Variants in LCOR observed in about 807,000 individuals in gnomAD.
LCOR encodes the protein ligand dependent nuclear receptor corepressor, also known as ligand-dependent corepressor.
In LCOR, 14 loss-of-function variants were observed where a neutral mutation model predicts 64.4. The observed-to-expected ratio is 0.22, with a 90% confidence interval of 0.14 to 0.34. The LOEUF is 0.34. Among genes scored for constraint, LCOR ranks in the 10% least tolerant of loss-of-function variants. The pLI, the probability that LCOR is intolerant of heterozygous loss-of-function variation, is 1.00. For synonymous variants in LCOR, 643 were observed against 642.5 expected (o/e 1.00, Z -0.01); for missense variants, 1,686 against 1,765.3 (o/e 0.96, Z 0.80).
chr10:96,834,436 T>G (rs1439036535), intron 2 of LCOR, among the ~76,000 whole-genome samples: 9 of 152,182 alleles, frequency 5.9e-5, no homozygotes, highest in Non-Finnish European at 1.3e-4. Context: ...CTATCTCTGC[T>G]TGTTTTATTC....
At chr10:96,912,521 G>A (rs1194409013) in intron 4 of LCOR, among the ~76,000 whole-genome samples, 1 of 152,172 alleles carries the variant, frequency 6.6e-6, no homozygotes, top group African/African-American at 2.4e-5. Flanking sequence ...CGTGCATCAT[G>A]TCAGAAAGCA....
chr10:96,838,924 A>G (rs1170447869), intron 2 of LCOR, among the ~76,000 whole-genome samples: 1 of 152,184 alleles, frequency 6.6e-6, no homozygotes, highest in Non-Finnish European at 1.5e-5. Flanking sequence ...TGGCTACGGT[A>G]TTTTACATTC....
intron 4 of LCOR, among the ~76,000 whole-genome samples, chr10:96,933,949 G>C (rs551279653): frequency 6.6e-6 from 1 of 152,276 alleles, no homozygotes; most frequent in East Asian, 1.9e-4. Context: ...CAGCTGTCTA[G>C]TTTCTTGAAG....
chr10:96,978,371 T>C (rs1201415219), intron 7 of LCOR, among the ~76,000 whole-genome samples: 1 of 152,244 alleles, frequency 6.6e-6, no homozygotes, highest in Non-Finnish European at 1.5e-5. Context: ...TTTAAAACTT[T>C]TACTAAGTCC....
intron 2 of LCOR, among the ~76,000 whole-genome samples, chr10:96,869,245 C>A (rs372232937): frequency 2.6e-4 from 39 of 152,006 alleles, no homozygotes; most frequent in African/African-American, 9.4e-4. Flanking sequence ...CAGAGTTGTG[C>A]TCTGTCACTC....
chr10:96,864,289 T>C (rs1845934606), intron 2 of LCOR, among the ~76,000 whole-genome samples: 1 of 152,208 alleles, frequency 6.6e-6, no homozygotes, highest in African/African-American at 2.4e-5. Context: ...ACTCAAGTAA[T>C]GACTCATAGA....
intron 7 of LCOR, among the ~76,000 whole-genome samples, chr10:96,975,592 C>G (rs535346907): frequency 6.6e-6 from 1 of 151,746 alleles, no homozygotes; most frequent in South Asian, 2.1e-4. Context: ...TTTCCCTCTC[C>G]TCTTTTTTGC....
chr10:96,900,099 A>G (rs1057456293), intron 2 of LCOR, among the ~76,000 whole-genome samples: 7 of 152,164 alleles, frequency 4.6e-5, no homozygotes, highest in Non-Finnish European at 1.0e-4. Context: ...TCATTCAGCC[A>G]TAGGAAACCA....
chr10:96,984,643 G>A lies in LCOR; in HGVS notation c.4183G>A (p.Val1395Ile). The A allele has an allele frequency of 6.2e-7, 1 of 1,614,180 alleles. No individual in the cohort carries two copies. The highest frequency in any genetic ancestry group is 1.1e-5 in the South Asian group (1 of 91,082). The stretch of plus-strand genomic sequence containing the variant: ...GTCTGAAATCTTGCCTAAAGCAGAA[G>A]TTCAGAGTAAACGCAAGAGAACAGA... ...QVSEILPKAEVQSKRKRTEGS... is the reference protein window; with the variant it reads ...QVSEILPKAEIQSKRKRTEGS... The change falls in exon 8 of 8, where the codon GTT (valine) becomes ATT (isoleucine). Residue 1395 changes from valine (V) to isoleucine (I), a missense_variant. Transcript: ENST00000421806.
chr10:96,984,462 C>T lies in LCOR; in HGVS notation c.4002C>T (p.Cys1334=), dbSNP rs1203997048. Reference sequence around the variant, plus strand: ...TAATCAAGAATGAGAAAATGGAATGCCCAGATGCTCTGGCTGTGGAAAGTA... The same window carrying T: ...TAATCAAGAATGAGAAAATGGAATGTCCAGATGCTCTGGCTGTGGAAAGTA... The part of the protein sequence containing the change: ...QRLIKNEKME[C]PDALAVESKP... The change falls in exon 8 of 8, where the codon TGC becomes TGT. Residue 1334 remains cysteine (C), a synonymous_variant. Coordinates refer to ENST00000421806, the MANE Select transcript of LCOR (RefSeq NM_001346516.2). 1.9e-6 allele frequency: 3 copies of T among 1,614,204 alleles called. No homozygotes were observed. Among genetic ancestry groups the T allele is most frequent in the Middle Eastern group, 1.6e-4 (1 of 6,062 alleles).
At chr10:96,938,528 T>C (rs1392823649) in intron 4 of LCOR, among the ~76,000 whole-genome samples, 1 of 151,414 alleles carries the variant, frequency 6.6e-6, no homozygotes, top group Non-Finnish European at 1.5e-5. Flanking sequence ...CATGAGGTTC[T>C]AGCCAGGGAA....
intron 7 of LCOR, chr10:96,957,313 A>G (rs1321522305): frequency 2.0e-6 from 2 of 985,068 alleles, no homozygotes; most frequent in Non-Finnish European, 1.2e-6. Context: ...CTTTGAGATC[A>G]TGTTTGTATA....
rs1219541833 is a variant in LCOR, at chr10:96,842,799, TC to T, written c.-330+9321del. Reference sequence around the variant, plus strand: ...GCATATGCCACCACAGCCCACTAGTTCTTGTTTTTTTTGGTAGAGAGGGGTT... The same window carrying T: ...GCATATGCCACCACAGCCCACTAGTTTTGTTTTTTTTGGTAGAGAGGGGTT... On this transcript the variant is annotated intron_variant, in intron 2 of 7. Transcript: ENST00000421806. 2.6e-5 allele frequency among the ~76,000 whole-genome samples: 4 copies of T among 151,866 alleles called. No individual in the cohort carries two copies. In the East Asian group the frequency reaches 7.8e-4, roughly 30 times the overall value.
At chr10:96,873,286 A>T (rs537758935) in intron 2 of LCOR, among the ~76,000 whole-genome samples, 1 of 152,176 alleles carries the variant, frequency 6.6e-6, no homozygotes, top group South Asian at 2.1e-4. Context: ...GGGGAAAAAC[A>T]TTATGAGGGG....
chr10:96,872,520 C>G (rs562755439), intron 2 of LCOR, among the ~76,000 whole-genome samples: 1 of 151,842 alleles, frequency 6.6e-6, no homozygotes, highest in African/African-American at 2.4e-5. Flanking sequence ...TGGTGGAACC[C>G]TCTCTCTACA....
intron 2 of LCOR, among the ~76,000 whole-genome samples, chr10:96,900,875 T>C (rs1020724170): frequency 2.6e-5 from 4 of 151,726 alleles, no homozygotes; most frequent in Non-Finnish European, 4.4e-5. Context: ...GCTTTTTTTT[T>C]TTTTTCTTTT....
At chr10:96,957,447 T>C in intron 7 of LCOR, 1 of 985,230 alleles carries the variant, frequency 1.0e-6, no homozygotes, top group Non-Finnish European at 1.2e-6. Context: ...TTTTTCATTG[T>C]GATCAGATTA....
chr10:96,895,781 TC>T (rs1846526507), intron 2 of LCOR, among the ~76,000 whole-genome samples: 1 of 152,232 alleles, frequency 6.6e-6, no homozygotes, highest in African/African-American at 2.4e-5. Flanking sequence ...TATGGCTTGT[TC>T]CCTCACTTCA....
intron 4 of LCOR, among the ~76,000 whole-genome samples, chr10:96,912,393 A>G (rs1367359044): frequency 6.6e-6 from 1 of 152,106 alleles, no homozygotes; most frequent in Non-Finnish European, 1.5e-5. Flanking sequence ...GAAATTAACA[A>G]TGATACAATA....
Sources: gnomAD v4.1 joint callset for allele counts (sites outside exome capture counted in the v4.1 genomes callset) on GRCh38, gnomAD v4.1.1 for gene constraint, MANE v1.5 for transcripts, NCBI Gene and HGNC (gene_info 2026-07-23, HGNC 2026-07-21) for gene names.